SLC12A6: variants seen among roughly 807,000 people sequenced by gnomAD.
The protein encoded by SLC12A6 is solute carrier family 12 member 6, also known as K-Cl cotransporter 3.
Under a neutral mutation model 135.3 loss-of-function variants are expected in SLC12A6, and 66 were observed. That is an observed-to-expected ratio of 0.49 (90% CI 0.40 to 0.60). The LOEUF is 0.60. Ranked by LOEUF, SLC12A6 falls within the 20% of genes least tolerant of loss-of-function variation. SLC12A6 has a pLI of 0.00. For missense variants in SLC12A6, 1,058 were observed against 1,452.3 expected (o/e 0.73, Z 4.41); for synonymous variants, 513 against 508.8 (o/e 1.01, Z -0.11).
intron 2 of SLC12A6, among the ~76,000 whole-genome samples, chr15:34,299,219 T>C (rs1385059504): frequency 6.6e-6 from 1 of 152,152 alleles, no homozygotes; most frequent in Non-Finnish European, 1.5e-5. Flanking sequence ...CATTTATAAA[T>C]AGATTGTGGT....
intron 2 of SLC12A6, among the ~76,000 whole-genome samples, chr15:34,282,223 G>A (rs773592273): frequency 3.9e-5 from 6 of 152,156 alleles, no homozygotes; most frequent in African/African-American, 7.2e-5. Context: ...ATTGTAAGTA[G>A]ACTTGTCAAA....
chr15:34,262,062 C>T (rs996676533), intron 3 of SLC12A6, among the ~76,000 whole-genome samples: 1 of 152,202 alleles, frequency 6.6e-6, no homozygotes, highest in Non-Finnish European at 1.5e-5. Context: ...ATGTTCATTA[C>T]ATACAATTGA....
At chr15:34,305,622 A>T (rs1408309948) in intron 2 of SLC12A6, among the ~76,000 whole-genome samples, 1 of 151,836 alleles carries the variant, frequency 6.6e-6, no homozygotes, top group Admixed American at 6.6e-5. Context: ...AGATAGTTTT[A>T]AAAAAAATAA....
At chr15:34,302,299 C>T (rs182818237) in intron 2 of SLC12A6, among the ~76,000 whole-genome samples, 10 of 152,086 alleles carry the variant, frequency 6.6e-5, no homozygotes, top group African/African-American at 2.2e-4. Context: ...AGGACTGTAC[C>T]TACACAGTTA....
rs763461682 is a variant in SLC12A6 at position 34,236,835 on chromosome 15, A to G, written c.2935-20T>C. 2 of 1,335,548 alleles carry G rather than the reference A, an allele frequency of 1.5e-6. No homozygotes were observed. The highest frequency in any genetic ancestry group is 2.2e-6 in the Non-Finnish European group (2 of 925,248). 82.7% of individuals were successfully genotyped at this position (1,335,548 alleles called of 1,614,324 possible). A position where few individuals can be genotyped will look rare whatever the true frequency, so the allele number is the denominator to read the frequency against. ...GTCATGCTGCCATAGACATCACATA[A>G]AAGGGGCAAAAAGCACAAAGGAGAA... is the stretch of plus-strand genomic sequence containing the variant. On this transcript the variant is annotated intron_variant, in intron 22 of 25. Transcript: ENST00000354181.
chr15:34,327,254 T>G (rs924065), intron 2 of SLC12A6, among the ~76,000 whole-genome samples: 20,935 of 152,168 alleles, frequency 0.14, 1,581 homozygotes, highest in East Asian at 0.33. Context: ...TTCTTAAAAT[T>G]TCATTTGAAA....
intron 2 of SLC12A6, chr15:34,318,703 T>C: frequency 6.2e-7 from 1 of 1,613,222 alleles, no homozygotes; most frequent in Non-Finnish European, 8.5e-7. Context: ...AATACTTTGC[T>C]CTTTCTGTAT....
At chr15:34,241,091 A>T (rs1274220046) in intron 18 of SLC12A6, 142 bp downstream of exon 18, 8 of 675,678 alleles carry the variant, frequency 1.2e-5, no homozygotes, top group Non-Finnish European at 2.1e-5. Context: ...GAATAAAAAA[A>T]TTAAGGATTT....
chr15:34,244,007 G>A lies in SLC12A6; in HGVS notation c.2009C>T (p.Pro670Leu). 1 of 1,607,808 alleles carries A rather than the reference G, an allele frequency of 6.2e-7. No homozygotes were observed. Among genetic ancestry groups the A allele is most frequent in the Non-Finnish European group, 8.5e-7 (1 of 1,174,180 alleles). ...GTAGCGGAATCGGGGTCTCCAGTTG[G>A]GTGTTCGAAGTAATGTTTGCAAGGC... ...ACALQTLLRT[P>L]NWRPRFRYYH... Residue 670 changes from proline (P) to leucine (L), a missense_variant, in exon 16 of 26, where the codon CCC becomes CTC. Pro to Leu is a moderately conservative substitution (Grantham distance 98, BLOSUM62 -3). This residue lies in a region of SLC12A6 where 170 missense variants were observed against 297.6 expected (regional missense o/e 0.57). Coordinates refer to ENST00000354181, the MANE Select transcript of SLC12A6 (RefSeq NM_001365088.1).
intron 22 of SLC12A6, 69 bp from the exon 23 acceptor site, chr15:34,236,884 A>G (rs1225609748): frequency 1.1e-6 from 1 of 885,514 alleles, no homozygotes; most frequent in Non-Finnish European, 1.9e-6. Flanking sequence ...ATACATTTTT[A>G]TTTCCAGTCA....
At chr15:34,299,104 G>A (rs1896073024) in intron 2 of SLC12A6, among the ~76,000 whole-genome samples, 1 of 152,168 alleles carries the variant, frequency 6.6e-6, no homozygotes, top group African/African-American at 2.4e-5. Flanking sequence ...TCAAAGCAAA[G>A]GGGAAGGGCT....
intron 2 of SLC12A6, among the ~76,000 whole-genome samples, chr15:34,334,864 G>A (rs781518077): frequency 4.6e-5 from 7 of 152,126 alleles, no homozygotes; most frequent in African/African-American, 9.7e-5. Flanking sequence ...TAAGGGTAAC[G>A]TAAGAACCGC....
chr15:34,287,570 T>C (rs370979216), intron 2 of SLC12A6, among the ~76,000 whole-genome samples: 149 of 152,340 alleles, frequency 9.8e-4, no homozygotes, highest in African/African-American at 3.3e-3. Flanking sequence ...TCCATAACGA[T>C]TGAACTAATT....
chr15:34,230,329 T>G lies in SLC12A6; in HGVS notation c.*3552A>C, dbSNP rs1343273811. 1.3e-5 allele frequency: 2 copies of G among 153,770 alleles called. No individual in the cohort carries two copies. Among genetic ancestry groups the G allele is most frequent in the Non-Finnish European group, 1.4e-5 (1 of 69,246 alleles). The allele number at this position is 153,770 out of a possible 1,614,324, so 9.5% of individuals were successfully genotyped here. ...AAGGAGCACATAAATATGCATACAG[T>G]GTAACTGTTATTATTTTAATACCCA... On this transcript the variant is annotated 3_prime_UTR_variant, in exon 26 of 26. Coordinates refer to ENST00000354181, the MANE Select transcript of SLC12A6 (RefSeq NM_001365088.1).
chr15:34,251,097 G>GAAAA, intron 10 of SLC12A6, 40 bp from the exon 11 acceptor site: 5 of 956,522 alleles, frequency 5.2e-6, no homozygotes, highest in Non-Finnish European at 7.9e-6. Context: ...GCAGCAGTAT[G>GAAAA]AAAAAAAAAA....
At chr15:34,288,159 G>C (rs937771340) in intron 2 of SLC12A6, among the ~76,000 whole-genome samples, 19 of 152,158 alleles carry the variant, frequency 1.2e-4, no homozygotes, top group African/African-American at 4.1e-4. Flanking sequence ...TTTGTATAAG[G>C]TGTAAGGGGG....
chr15:34,306,074 C>T (rs1478239490), intron 2 of SLC12A6, among the ~76,000 whole-genome samples: 1 of 152,142 alleles, frequency 6.6e-6, no homozygotes, highest in African/African-American at 2.4e-5. Flanking sequence ...TCCAGCATTT[C>T]TATTTAGCTA....
chr15:34,318,466 C>G, intron 2 of SLC12A6: 2 of 969,886 alleles, frequency 2.1e-6, no homozygotes, highest in Admixed American at 1.7e-5. Context: ...ACACTTTTCT[C>G]TGTCCTAAAG....
chr15:34,336,457 A>G lies in SLC12A6; in HGVS notation c.224T>C (p.Leu75Pro), dbSNP rs762949075. 2 of 1,614,020 alleles carry G rather than the reference A, an allele frequency of 1.2e-6. No individual in the cohort carries two copies. The highest frequency in any genetic ancestry group is 2.2e-5 in the South Asian group (2 of 91,080). Residue 75 changes from leucine (L) to proline (P), a missense_variant, in exon 2 of 26, where the codon CTG (leucine) becomes CCG (proline). Physicochemically the swap from Leu to Pro is moderately conservative, Grantham distance 98 (BLOSUM62 -3). Coordinates refer to ENST00000354181, the MANE Select transcript of SLC12A6 (RefSeq NM_001365088.1). The part of the protein sequence containing the change: ...GATTSLATVA[L>P]DPPSDRTSHP... ...AGAAGTCCGGTCACTGGGTGGATCC[A>G]GTGCAACAGTTGCCAGCGAAGTGGT...
Sources: allele counts gnomAD v4.1 joint callset (sites outside exome capture counted in the v4.1 genomes callset), GRCh38; gene constraint gnomAD v4.1.1; regional missense constraint gnomAD v4.1.1; transcripts MANE v1.5; gene names NCBI Gene and HGNC (gene_info 2026-07-23, HGNC 2026-07-21).